CEP70: variants seen among roughly 807,000 people sequenced by gnomAD.
CEP70 encodes centrosomal protein of 70 kDa.
Under a neutral mutation model 90.9 loss-of-function variants are expected in CEP70, and 70 were observed. That is an observed-to-expected ratio of 0.77 (90% CI 0.64 to 0.94). CEP70 has a LOEUF of 0.94. Ranked by LOEUF, CEP70 falls within the 40% of genes least tolerant of loss-of-function variation. The probability of loss-of-function intolerance (pLI) is 0.00; values close to 1 mark genes in which losing one functional copy is unlikely to be tolerated. For synonymous variants in CEP70, 220 were observed against 228.3 expected (o/e 0.96, Z 0.33); for missense variants, 648 against 669.0 (o/e 0.97, Z 0.35).
chr3:138,549,541 A>G (rs535267280), intron 6 of CEP70, among the ~76,000 whole-genome samples: 1 of 152,176 alleles, frequency 6.6e-6, no homozygotes, highest in Non-Finnish European at 1.5e-5. Context: ...CCCATGCCCC[A>G]CAGCAGCTGC....
intron 11 of CEP70, among the ~76,000 whole-genome samples, chr3:138,521,530 C>T (rs2036633376): frequency 6.7e-6 from 1 of 149,616 alleles, no homozygotes; most frequent in Non-Finnish European, 1.5e-5. Flanking sequence ...GCACCTATGC[C>T]CGGCCGCCCC....
At position 138,581,895 on chromosome 3, in the gene CEP70, T is replaced by A. The variant is rs894173183; in HGVS notation, c.-5-8963A>T. Reference sequence around the variant, plus strand: ...GCTCCCAAGGTCAAGAAAAAAAAAATTCTGTAAGCAGAAAGAGAAAAGAAA... The same window carrying A: ...GCTCCCAAGGTCAAGAAAAAAAAAAATCTGTAAGCAGAAAGAGAAAAGAAA... On this transcript the variant is annotated intron_variant, in intron 2 of 17. Transcript: ENST00000264982. Among the ~76,000 whole-genome samples the A allele has an allele frequency of 4.0e-5, 6 of 151,422 alleles. No individual in the cohort carries two copies. In the South Asian group the frequency reaches 6.3e-4, roughly 16 times the overall value.
intron 6 of CEP70, among the ~76,000 whole-genome samples, chr3:138,561,152 A>C (rs1256902903): frequency 6.6e-6 from 1 of 152,084 alleles, no homozygotes; most frequent in Non-Finnish European, 1.5e-5. Flanking sequence ...TCCAGCTGGC[A>C]TCTGGCAGGT....
At chr3:138,592,017 G>A (rs1576979948) in intron 1 of CEP70, 61 bp from the exon 2 acceptor site, 2 of 600,490 alleles carry the variant, frequency 3.3e-6, no homozygotes, top group South Asian at 4.4e-5. Context: ...TAGTAAGAAT[G>A]GTCTTGTGTT....
chr3:138,496,871 T>G (rs1456908352), intron 17 of CEP70: 8 of 985,340 alleles, frequency 8.1e-6, no homozygotes, highest in Non-Finnish European at 9.6e-6. Context: ...TGAAAGGAAG[T>G]TTCTATAGAA....
At chr3:138,509,307 G>C (rs2035301581) in intron 11 of CEP70, among the ~76,000 whole-genome samples, 1 of 152,184 alleles carries the variant, frequency 6.6e-6, no homozygotes, top group Non-Finnish European at 1.5e-5. Context: ...AGCAGGAACA[G>C]CTAGACGTTT....
chr3:138,554,429 C>T (rs985041622), intron 6 of CEP70, among the ~76,000 whole-genome samples: 14 of 152,114 alleles, frequency 9.2e-5, no homozygotes, highest in African/African-American at 3.4e-4. Context: ...CCTACTCTCA[C>T]CACTTCTATT....
chr3:138,561,580 T>C (rs1265751722), intron 6 of CEP70, among the ~76,000 whole-genome samples: 3 of 151,990 alleles, frequency 2.0e-5, no homozygotes, highest in Non-Finnish European at 4.4e-5. Context: ...AGGTGGGTAA[T>C]AACAAATTCC....
chr3:138,507,396 A>T (rs1199661392), intron 12 of CEP70, among the ~76,000 whole-genome samples: 1 of 152,168 alleles, frequency 6.6e-6, no homozygotes, highest in African/African-American at 2.4e-5. Context: ...TCTCAATGAG[A>T]TTTATTTTTT....
At chr3:138,572,798 A>T in intron 3 of CEP70, 61 bp downstream of exon 3, 2 of 1,061,602 alleles carry the variant, frequency 1.9e-6, no homozygotes. Context: ...TCCTGTTTGT[A>T]GATGTAGCAT....
chr3:138,529,347 G>C, intron 9 of CEP70, 28 bp downstream of exon 9: 3 of 1,567,926 alleles, frequency 1.9e-6, no homozygotes, highest in Non-Finnish European at 1.7e-6. Flanking sequence ...TTATTAAAAA[G>C]TATTTATTAG....
At chr3:138,538,502 C>T (rs964182655) in intron 6 of CEP70, among the ~76,000 whole-genome samples, 1 of 152,172 alleles carries the variant, frequency 6.6e-6, no homozygotes, top group Non-Finnish European at 1.5e-5. Context: ...GGAAATTCAA[C>T]AGGTGAATTG....
At chr3:138,594,036 A>C (rs1194991076) in intron 1 of CEP70, 162 bp downstream of exon 1, 1 of 152,338 alleles carries the variant, frequency 6.6e-6, no homozygotes, top group Non-Finnish European at 1.5e-5. Context: ...TCCGATCCCC[A>C]AACCCTTACG....
intron 16 of CEP70, among the ~76,000 whole-genome samples, chr3:138,498,348 T>C (rs1267783540): frequency 6.6e-6 from 1 of 150,908 alleles, no homozygotes; most frequent in African/African-American, 2.4e-5. Flanking sequence ...CTTTTTTTTT[T>C]TTTTTTTGAG....
intron 6 of CEP70, among the ~76,000 whole-genome samples, chr3:138,549,302 G>A (rs1178925084): frequency 2.6e-5 from 4 of 151,722 alleles, no homozygotes; most frequent in Non-Finnish European, 5.9e-5. Context: ...GGTAGCCTGA[G>A]GCAAATTCTC....
chr3:138,496,554 A>G, intron 17 of CEP70: 1 of 985,398 alleles, frequency 1.0e-6, no homozygotes, highest in African/African-American at 1.7e-5. Context: ...CCTCACAGCA[A>G]AGGACCTTGG....
intron 6 of CEP70, among the ~76,000 whole-genome samples, chr3:138,560,373 G>T (rs149366485): frequency 6.6e-6 from 1 of 152,164 alleles, no homozygotes; most frequent in Non-Finnish European, 1.5e-5. Flanking sequence ...CCTGCAGACC[G>T]GAAGATTCCC....
chr3:138,505,156 A>G, intron 13 of CEP70, 139 bp downstream of exon 13: 1 of 552,270 alleles, frequency 1.8e-6, no homozygotes, highest in East Asian at 3.3e-5. Context: ...TTAGATAATA[A>G]GCTTTTTTAG....
At chr3:138,551,029 G>A (rs1418180987) in intron 6 of CEP70, among the ~76,000 whole-genome samples, 1 of 152,196 alleles carries the variant, frequency 6.6e-6, no homozygotes, top group Admixed American at 6.5e-5. Context: ...GAACACCTGA[G>A]AAATTCATCG....
Sources: allele counts gnomAD v4.1 joint callset (sites outside exome capture counted in the v4.1 genomes callset), GRCh38; gene constraint gnomAD v4.1.1; transcripts MANE v1.5; gene names NCBI Gene and HGNC (gene_info 2026-07-23, HGNC 2026-07-21).